ADAMTS12: variants seen among roughly 807,000 people sequenced by gnomAD.
ADAMTS12 encodes ADAM metallopeptidase with thrombospondin type 1 motif 12.
Under a neutral mutation model 167.8 loss-of-function variants are expected in ADAMTS12, and 118 were observed. That is an observed-to-expected ratio of 0.70 (90% CI 0.61 to 0.82). The LOEUF is 0.82. Among genes scored for constraint, ADAMTS12 ranks in the 40% least tolerant of loss-of-function variants. The pLI is 0.00. For missense variants in ADAMTS12, 1,916 were observed against 1,998.8 expected (o/e 0.96, Z 0.79); for synonymous variants, 704 against 716.9 (o/e 0.98, Z 0.29).
intron 2 of ADAMTS12, among the ~76,000 whole-genome samples, chr5:33,814,270 T>C (rs957239649): frequency 6.6e-6 from 1 of 152,202 alleles, no homozygotes. Context: ...ATTTTGCTTA[T>C]GATATGAGAT....
intron 14 of ADAMTS12, among the ~76,000 whole-genome samples, chr5:33,619,027 A>G (rs1739173429): frequency 6.6e-6 from 1 of 152,172 alleles, no homozygotes; most frequent in Admixed American, 6.5e-5. Context: ...TGAATTAGAG[A>G]CATTTTGTTT....
chr5:33,562,463 G>A (rs550575897), intron 19 of ADAMTS12, among the ~76,000 whole-genome samples: 1 of 151,798 alleles, frequency 6.6e-6, no homozygotes, highest in South Asian at 2.1e-4. Flanking sequence ...CCTCTCCCCT[G>A]CTCATCCTCA....
chr5:33,859,515 G>T (rs1749525253), intron 2 of ADAMTS12, among the ~76,000 whole-genome samples: 1 of 152,238 alleles, frequency 6.6e-6, no homozygotes, highest in African/African-American at 2.4e-5. Flanking sequence ...CCAGTCAGGG[G>T]CTTATAGATA....
chr5:33,528,538 A>G (rs1743931267), intron 23 of ADAMTS12, among the ~76,000 whole-genome samples: 1 of 152,232 alleles, frequency 6.6e-6, no homozygotes, highest in African/African-American at 2.4e-5. Flanking sequence ...ATGCTTCACT[A>G]CATTTCATCT....
At chr5:33,761,290 G>A (rs558595991) in intron 2 of ADAMTS12, among the ~76,000 whole-genome samples, 2 of 152,198 alleles carry the variant, frequency 1.3e-5, no homozygotes, top group African/African-American at 2.4e-5. Context: ...TGATGAGGGA[G>A]TGCTCCCACC....
intron 18 of ADAMTS12, among the ~76,000 whole-genome samples, chr5:33,578,467 G>A (rs1283490094): frequency 6.6e-6 from 1 of 152,156 alleles, no homozygotes; most frequent in African/African-American, 2.4e-5. Flanking sequence ...TTCACTCAGT[G>A]ACTTTTGATT....
chr5:33,768,120 A>G (rs1243030651), intron 2 of ADAMTS12, among the ~76,000 whole-genome samples: 1 of 152,212 alleles, frequency 6.6e-6, no homozygotes, highest in East Asian at 1.9e-4. Context: ...AGAACAGCCA[A>G]CAGGACTGCT....
intron 3 of ADAMTS12, among the ~76,000 whole-genome samples, chr5:33,715,992 TTTA>T (rs1743599362): frequency 6.6e-6 from 1 of 152,124 alleles, no homozygotes; most frequent in Non-Finnish European, 1.5e-5. Context: ...GATGTTAACT[TTTA>T]GAAACATTAT....
chr5:33,796,166 C>T (rs1042092355), intron 2 of ADAMTS12, among the ~76,000 whole-genome samples: 4 of 152,216 alleles, frequency 2.6e-5, no homozygotes, highest in African/African-American at 4.8e-5. Flanking sequence ...GCAGGACTGC[C>T]ACTGCCATCT....
intron 2 of ADAMTS12, among the ~76,000 whole-genome samples, chr5:33,841,355 T>C (rs1248800378): frequency 2.0e-5 from 3 of 152,220 alleles, no homozygotes; most frequent in Non-Finnish European, 4.4e-5. Flanking sequence ...GCTTTGGACC[T>C]CTTACTTCCT....
At chr5:33,569,770 A>G (rs1268994487) in intron 19 of ADAMTS12, among the ~76,000 whole-genome samples, 2 of 152,282 alleles carry the variant, frequency 1.3e-5, no homozygotes, top group Non-Finnish European at 2.9e-5. Flanking sequence ...AGTTGAGAGA[A>G]GAAGGCTTCA....
At chr5:33,882,574 GTTGTTTTGTT>G (rs544756356) in intron 1 of ADAMTS12, among the ~76,000 whole-genome samples, 6 of 151,964 alleles carry the variant, frequency 3.9e-5, no homozygotes, top group Admixed American at 6.6e-5. Flanking sequence ...TTCTTTTTTT[GTTGTTTTGTT>G]TTGTTTTGTT....
intron 3 of ADAMTS12, among the ~76,000 whole-genome samples, chr5:33,737,254 TC>T (rs1203196482): frequency 2.0e-5 from 3 of 152,218 alleles, no homozygotes; most frequent in African/African-American, 7.2e-5. Context: ...TCCAGGATCA[TC>T]TCGAAAGGTG....
chr5:33,827,448 C>G lies in ADAMTS12; in HGVS notation c.489+53671G>C, dbSNP rs535997587. 1.4e-4 allele frequency among the ~76,000 whole-genome samples: 21 copies of G among 152,202 alleles called. No individual in the cohort carries two copies. The South Asian group carries it at 3.1e-3, about 23-fold the overall frequency. On this transcript the variant is annotated intron_variant, in intron 2 of 23. Transcript: ENST00000504830. ...TACCTTCATTTCAGTCTGTGCTGCC[C>G]TAAGCCAAGAACCCAGTCATGCTGT...
intron 5 of ADAMTS12, among the ~76,000 whole-genome samples, chr5:33,676,805 G>C (rs1037488660): frequency 1.3e-5 from 2 of 152,072 alleles, no homozygotes; most frequent in African/African-American, 4.8e-5. Flanking sequence ...ACATCAGCTG[G>C]GGGGAGGGGT....
intron 3 of ADAMTS12, among the ~76,000 whole-genome samples, chr5:33,725,617 G>A (rs1216823168): frequency 1.3e-5 from 2 of 152,314 alleles, no homozygotes; most frequent in East Asian, 1.9e-4. Context: ...CAACAGAACC[G>A]GGACTTGGGC....
chr5:33,696,437 A>AAC (rs397933976), intron 3 of ADAMTS12, among the ~76,000 whole-genome samples: 1 of 151,078 alleles, frequency 6.6e-6, no homozygotes, highest in Non-Finnish European at 1.5e-5. Flanking sequence ...AAAAAAAAAA[A>AAC]TTATAATTAG....
At position 33,614,268 on chromosome 5, in the gene ADAMTS12, A is replaced by G; in HGVS notation, c.2497T>C (p.Trp833Arg). 6.2e-7 allele frequency: 1 copy of G among 1,614,048 alleles called. No individual in the cohort carries two copies. The highest frequency in any genetic ancestry group is 1.1e-5 in the South Asian group (1 of 91,066). ...CCGCAGGTCACACTGCACTCTGTCC[A>G]GTGGCCGTACTGCCAGAAGTACATC... is the stretch of plus-strand genomic sequence containing the variant. Reference protein sequence around the residue: ...QQMYFWQYGHWTECSVTCGTG... With the variant: ...QQMYFWQYGHRTECSVTCGTG... The change falls in exon 16 of 24, where the codon TGG becomes CGG. Residue 833 changes from tryptophan (W) to arginine (R), a missense_variant. Physicochemically the swap from Trp to Arg is moderately radical, Grantham distance 101 (BLOSUM62 -3). Coordinates refer to ENST00000504830, the MANE Select transcript of ADAMTS12 (RefSeq NM_030955.4).
Position 33,527,180 on chromosome 5 carries a change from T to A in ADAMTS12, c.*8A>T. The stretch of plus-strand genomic sequence containing the variant: ...TGCAGTCTGGTGGAAGCTGGCTTCC[T>A]TTTGGGCTTAGAGTTCTTTTGACTT... On this transcript the variant is annotated 3_prime_UTR_variant, in exon 24 of 24. Coordinates refer to ENST00000504830, the MANE Select transcript of ADAMTS12 (RefSeq NM_030955.4). 1.9e-6 allele frequency: 3 copies of A among 1,614,004 alleles called. No individual in the cohort carries two copies. The highest frequency in any genetic ancestry group is 8.5e-7 in the Non-Finnish European group (1 of 1,179,886).
Sources: allele counts gnomAD v4.1 joint callset (sites outside exome capture counted in the v4.1 genomes callset), GRCh38; gene constraint gnomAD v4.1.1; transcripts MANE v1.5; gene names NCBI Gene and HGNC (gene_info 2026-07-23, HGNC 2026-07-21).